MAGI1: variants seen among roughly 807,000 people sequenced by gnomAD.
MAGI1 encodes membrane associated guanylate kinase, WW and PDZ domain containing 1, also known as membrane-associated guanylate kinase, WW and PDZ domain-containing protein 1.
In MAGI1, 58 loss-of-function variants were observed where a neutral mutation model predicts 139.9. That is an observed-to-expected ratio of 0.41 (90% CI 0.34 to 0.52). The LOEUF is 0.52. MAGI1 is among the 20% of genes least tolerant of loss of function. The pLI, the probability that MAGI1 is intolerant of heterozygous loss-of-function variation, is 0.12. For missense variants in MAGI1, 1,874 were observed against 1,901.6 expected (o/e 0.99, Z 0.27); for synonymous variants, 812 against 737.9 (o/e 1.10, Z -1.63).
chr3:65,789,921 A>C (rs920210418), intron 1 of MAGI1, among the ~76,000 whole-genome samples: 3 of 152,238 alleles, frequency 2.0e-5, no homozygotes, highest in African/African-American at 7.2e-5. Flanking sequence ...GCACACAAAC[A>C]AAAATCTCAT....
intron 13 of MAGI1, among the ~76,000 whole-genome samples, chr3:65,391,784 C>T (rs1177573645): frequency 6.6e-6 from 1 of 152,108 alleles, no homozygotes; most frequent in Non-Finnish European, 1.5e-5. Flanking sequence ...AAAGATGCTC[C>T]TCAGGACTCC....
chr3:65,836,010 C>G (rs1172647352), intron 1 of MAGI1, among the ~76,000 whole-genome samples: 1 of 152,146 alleles, frequency 6.6e-6, no homozygotes, highest in East Asian at 1.9e-4. Flanking sequence ...GGGTTACCTG[C>G]TCAACTGAGG....
chr3:65,974,384 T>TG (rs2065158942), intron 1 of MAGI1, among the ~76,000 whole-genome samples: 1 of 105,552 alleles, frequency 9.5e-6, no homozygotes, highest in South Asian at 3.7e-4. Context: ...GGTGGGCGGG[T>TG]GGCTGGGTGG....
At chr3:65,821,554 A>G (rs1482724920) in intron 1 of MAGI1, among the ~76,000 whole-genome samples, 2 of 152,224 alleles carry the variant, frequency 1.3e-5, no homozygotes, top group African/African-American at 4.8e-5. Flanking sequence ...GTGAACCACT[A>G]AAGACTTTGT....
chr3:65,549,049 TG>T (rs1321406359), intron 2 of MAGI1, among the ~76,000 whole-genome samples: 1 of 151,932 alleles, frequency 6.6e-6, no homozygotes, highest in Non-Finnish European at 1.5e-5. Flanking sequence ...CGCGTCTCCT[TG>T]CACCTGCCCT....
At chr3:65,600,924 G>A (rs2082452773) in intron 2 of MAGI1, among the ~76,000 whole-genome samples, 2 of 152,182 alleles carry the variant, frequency 1.3e-5, no homozygotes, top group Admixed American at 1.3e-4. Context: ...GGCTTTCTCA[G>A]TGTGAACCAC....
chr3:65,798,846 T>G (rs938108742), intron 1 of MAGI1, among the ~76,000 whole-genome samples: 1 of 152,218 alleles, frequency 6.6e-6, no homozygotes, highest in African/African-American at 2.4e-5. Context: ...TCTCTCACCA[T>G]TCCACTGTGT....
intron 1 of MAGI1, among the ~76,000 whole-genome samples, chr3:65,827,294 A>T (rs2042280206): frequency 6.6e-6 from 1 of 152,180 alleles, no homozygotes; most frequent in Non-Finnish European, 1.5e-5. Context: ...GTTGATGCCA[A>T]ATTGGGAAGT....
intron 1 of MAGI1, among the ~76,000 whole-genome samples, chr3:65,653,056 T>TA (rs2085673983): frequency 6.6e-6 from 1 of 152,170 alleles, no homozygotes; most frequent in Admixed American, 6.6e-5. Context: ...AGTTTCAGAA[T>TA]AATCTCAATG....
chr3:65,492,847 G>A (rs898021817), intron 3 of MAGI1, among the ~76,000 whole-genome samples: 3 of 152,098 alleles, frequency 2.0e-5, no homozygotes, highest in African/African-American at 7.2e-5. Context: ...GGGAGGCCAA[G>A]GCGGGCGGAT....
At chr3:65,867,547 CAACAT>C (rs1442462056) in intron 1 of MAGI1, among the ~76,000 whole-genome samples, 2 of 152,104 alleles carry the variant, frequency 1.3e-5, no homozygotes, top group Non-Finnish European at 2.9e-5. Context: ...CTAGCCTAGG[CAACAT>C]ATGGAGACCC....
chr3:65,499,600 G>A (rs934113505), intron 2 of MAGI1, among the ~76,000 whole-genome samples: 1 of 152,060 alleles, frequency 6.6e-6, no homozygotes, highest in African/African-American at 2.4e-5. Flanking sequence ...TCCAGCCTGG[G>A]CGACAGACTG....
intron 1 of MAGI1, among the ~76,000 whole-genome samples, chr3:65,694,596 C>G (rs1365201075): frequency 6.6e-6 from 1 of 152,182 alleles, no homozygotes; most frequent in Non-Finnish European, 1.5e-5. Context: ...ACAGTTTCGG[C>G]AACACCAAAA....
intron 2 of MAGI1, among the ~76,000 whole-genome samples, chr3:65,574,335 T>C (rs2081087738): frequency 6.7e-6 from 1 of 150,116 alleles, no homozygotes; most frequent in Non-Finnish European, 1.5e-5. Flanking sequence ...CAGTACCCAA[T>C]AGATATTTTC....
intron 1 of MAGI1, among the ~76,000 whole-genome samples, chr3:65,773,944 G>A (rs538805446): frequency 4.6e-5 from 7 of 151,862 alleles, no homozygotes; most frequent in African/African-American, 1.7e-4. Context: ...TTTCTTCCCG[G>A]GAACGATATG....
intron 1 of MAGI1, among the ~76,000 whole-genome samples, chr3:65,883,931 A>T (rs2060434010): frequency 6.6e-6 from 1 of 152,238 alleles, no homozygotes; most frequent in Admixed American, 6.5e-5. Flanking sequence ...TTAATTCCCC[A>T]GTCTACCAAA....
chr3:65,374,859 C>T (rs201186177), intron 18 of MAGI1, among the ~76,000 whole-genome samples: 2 of 152,068 alleles, frequency 1.3e-5, no homozygotes, highest in East Asian at 3.9e-4. Flanking sequence ...TAAGGACAGG[C>T]CTAGTTTAAT....
intron 2 of MAGI1, among the ~76,000 whole-genome samples, chr3:65,581,019 T>C (rs1233561462): frequency 6.6e-6 from 1 of 152,136 alleles, no homozygotes; most frequent in Non-Finnish European, 1.5e-5. Context: ...GTCAGGATAT[T>C]AATATCATCC....
intron 12 of MAGI1, among the ~76,000 whole-genome samples, chr3:65,425,832 C>G (rs549002409): frequency 6.6e-6 from 1 of 152,090 alleles, no homozygotes; most frequent in Non-Finnish European, 1.5e-5. Context: ...CAGGTAGTTA[C>G]GCTATCTACA....
Sources: allele counts gnomAD v4.1 joint callset (sites outside exome capture counted in the v4.1 genomes callset), GRCh38; gene constraint gnomAD v4.1.1; transcripts MANE v1.5; gene names NCBI Gene and HGNC (gene_info 2026-07-23, HGNC 2026-07-21).